Variants in SGMS1 observed in about 807,000 individuals in gnomAD.
SGMS1 encodes sphingomyelin synthase 1, also known as phosphatidylcholine:ceramide cholinephosphotransferase 1.
Under a neutral mutation model 46.2 loss-of-function variants are expected in SGMS1, and 13 were observed. That is an observed-to-expected ratio of 0.28 (90% CI 0.18 to 0.45). The LOEUF is 0.45. SGMS1 is among the 20% of genes least tolerant of loss of function. The pLI is 1.00. For missense variants in SGMS1, 324 were observed against 519.9 expected, an observed-to-expected ratio of 0.62 and a Z score of 3.66; for synonymous variants, 203 against 187.8, an observed-to-expected ratio of 1.08 and a Z score of -0.66.
At chr10:50,521,748 T>A (rs919234092) in intron 2 of SGMS1, among the ~76,000 whole-genome samples, 2 of 152,192 alleles carry the variant, frequency 1.3e-5, no homozygotes, top group Non-Finnish European at 2.9e-5. Flanking sequence ...AGAATAATCG[T>A]GTAGTTTTCT....
chr10:50,328,439 G>A (rs571106449), intron 7 of SGMS1, among the ~76,000 whole-genome samples: 25 of 152,306 alleles, frequency 1.6e-4, no homozygotes, highest in African/African-American at 6.0e-4. Context: ...TCTTATGCAG[G>A]ATGGGCATAC....
At chr10:50,318,381 C>T (rs1026889926) in intron 8 of SGMS1, among the ~76,000 whole-genome samples, 5 of 152,166 alleles carry the variant, frequency 3.3e-5, no homozygotes, top group African/African-American at 9.7e-5. Context: ...TTTTCTCATC[C>T]TCAACCTCTA....
chr10:50,519,166 T>C (rs1040846798), intron 3 of SGMS1, among the ~76,000 whole-genome samples: 5 of 152,174 alleles, frequency 3.3e-5, no homozygotes, highest in Admixed American at 3.3e-4. Flanking sequence ...CTAAGCAATA[T>C]ATTGTTTGGA....
At chr10:50,340,364 T>C (rs1266712680) in intron 7 of SGMS1, 1 of 152,240 alleles carries the variant, frequency 6.6e-6, no homozygotes, top group Non-Finnish European at 1.5e-5. Flanking sequence ...TTCTTTATCA[T>C]GCTTTCTTAA....
At chr10:50,404,916 A>G (rs918004471) in intron 6 of SGMS1, among the ~76,000 whole-genome samples, 2 of 152,232 alleles carry the variant, frequency 1.3e-5, no homozygotes, top group African/African-American at 4.8e-5. Flanking sequence ...ATGTGTTGAC[A>G]GGAATATATC....
At chr10:50,578,258 T>G (rs1838402186) in intron 2 of SGMS1, among the ~76,000 whole-genome samples, 1 of 152,208 alleles carries the variant, frequency 6.6e-6, no homozygotes, top group East Asian at 1.9e-4. Flanking sequence ...CCGCTCCCTT[T>G]GCGGTATTTA....
intron 3 of SGMS1, among the ~76,000 whole-genome samples, chr10:50,475,725 C>T (rs755341433): frequency 6.6e-6 from 1 of 152,002 alleles, no homozygotes; most frequent in Non-Finnish European, 1.5e-5. Context: ...AGAGTTCTTA[C>T]CAGATCTGCT....
At chr10:50,624,215 G>T, upstream of SGMS1, 1 of 700,148 alleles carries the variant, frequency 1.4e-6, no homozygotes, top group Non-Finnish European at 1.8e-6. Flanking sequence ...GTAAGGCCTA[G>T]CGGGAGCCAG....
chr10:50,543,984 A>T (rs1838078059), intron 2 of SGMS1, among the ~76,000 whole-genome samples: 1 of 152,344 alleles, frequency 6.6e-6, no homozygotes, highest in South Asian at 2.1e-4. Context: ...AATGTCCGGC[A>T]TGGGCAGCAC....
At chr10:50,596,692 G>A (rs973122534) in intron 1 of SGMS1, among the ~76,000 whole-genome samples, 1 of 152,188 alleles carries the variant, frequency 6.6e-6, no homozygotes, top group African/African-American at 2.4e-5. Flanking sequence ...GTCAGTATGA[G>A]GTGTTTGAAG....
chr10:50,398,837 T>C (rs2133531088), intron 6 of SGMS1, among the ~76,000 whole-genome samples: 1 of 152,190 alleles, frequency 6.6e-6, no homozygotes, highest in South Asian at 2.1e-4. Context: ...AGTACCCTAA[T>C]ATAATAGACA....
Position 50,327,159 on chromosome 10 carries a change from G to T in SGMS1, c.741+46C>A, listed in dbSNP as rs374200410. 7 of 1,212,720 alleles carry T rather than the reference G, an allele frequency of 5.8e-6. No homozygotes were observed. The Admixed American group carries it at 1.1e-4, about 18-fold the overall frequency. The allele number at this position is 1,212,720 out of a possible 1,614,324, so 75.1% of individuals were successfully genotyped here. On this transcript the variant is annotated intron_variant, in intron 8 of 10. Coordinates refer to ENST00000361781, the MANE Select transcript of SGMS1 (RefSeq NM_147156.4). ...CCTCACTCAAAGGACCCCAGGGCAA[G>T]ACAAGAAACAAACAGAAAGCGAAAT...
rs115671262 is a variant in SGMS1, at chr10:50,359,340, C to A, written c.-231-14995G>T. ...CTCAGTAGCTGCCCTATAACTTATGCAATTGATAGTTTCCCCCCTTTTCCC... is the reference window on the plus strand; with the variant it reads ...CTCAGTAGCTGCCCTATAACTTATGAAATTGATAGTTTCCCCCCTTTTCCC... On this transcript the variant is annotated intron_variant, in intron 6 of 10. Coordinates refer to ENST00000361781, the MANE Select transcript of SGMS1 (RefSeq NM_147156.4). Among the ~76,000 whole-genome samples the A allele has an allele frequency of 6.2e-3, 950 of 152,230 alleles. 7 individuals carry two copies. The highest frequency in any genetic ancestry group is 0.022 in the African/African-American group (899 of 41,522).
At chr10:50,320,486 ACTATCT>A (rs1178393288) in intron 8 of SGMS1, among the ~76,000 whole-genome samples, 3 of 152,188 alleles carry the variant, frequency 2.0e-5, no homozygotes, top group Non-Finnish European at 4.4e-5. Flanking sequence ...CAAATACCCT[ACTATCT>A]CTATCAATGG....
At chr10:50,531,906 G>A (rs572071058) in intron 2 of SGMS1, among the ~76,000 whole-genome samples, 2 of 152,196 alleles carry the variant, frequency 1.3e-5, no homozygotes, top group African/African-American at 2.4e-5. Flanking sequence ...AGAGAGAATG[G>A]TCAGTAACCA....
intron 2 of SGMS1, among the ~76,000 whole-genome samples, chr10:50,568,918 G>A (rs1166770046): frequency 1.3e-5 from 2 of 152,050 alleles, no homozygotes; most frequent in East Asian, 3.9e-4. Flanking sequence ...TCAATGACAG[G>A]CTGGATAAAG....
At chr10:50,484,645 C>T (rs1019604255) in intron 3 of SGMS1, among the ~76,000 whole-genome samples, 1 of 152,142 alleles carries the variant, frequency 6.6e-6, no homozygotes, top group African/African-American at 2.4e-5. Flanking sequence ...CAAAAGTCCC[C>T]AACAAAATAC....
chr10:50,474,779 G>A (rs1417555349), intron 3 of SGMS1, among the ~76,000 whole-genome samples: 1 of 152,092 alleles, frequency 6.6e-6, no homozygotes, highest in African/African-American at 2.4e-5. Context: ...CTAAGAAGCA[G>A]AGAGAGTGCT....
chr10:50,570,281 A>G (rs1353434866), intron 2 of SGMS1, among the ~76,000 whole-genome samples: 2 of 152,212 alleles, frequency 1.3e-5, no homozygotes, highest in South Asian at 2.1e-4. Context: ...TGAGGGCTCA[A>G]TTATGCAAAC....
Sources: gnomAD v4.1 joint callset for allele counts (sites outside exome capture counted in the v4.1 genomes callset) on GRCh38, gnomAD v4.1.1 for gene constraint, MANE v1.5 for transcripts, NCBI Gene and HGNC (gene_info 2026-07-23, HGNC 2026-07-21) for gene names.